KLHDC3: variants seen among roughly 807,000 people sequenced by gnomAD.
KLHDC3 encodes kelch domain containing 3.
In KLHDC3, 5 loss-of-function variants were observed where a neutral mutation model predicts 44.1. The ratio of observed to expected loss-of-function variants is 0.11; its 90% confidence interval spans 0.06 to 0.24. KLHDC3 has a LOEUF of 0.24. Among genes scored for constraint, KLHDC3 ranks in the 10% least tolerant of loss-of-function variants. The pLI is 1.00. For missense variants in KLHDC3, 247 were observed against 514.3 expected, an observed-to-expected ratio of 0.48 and a Z score of 5.03; for synonymous variants, 170 against 189.0, an observed-to-expected ratio of 0.90 and a Z score of 0.82.
intron 1 of KLHDC3, among the ~76,000 whole-genome samples, chr6:43,015,723 G>A (rs1172338537): frequency 6.6e-6 from 1 of 151,838 alleles, no homozygotes; most frequent in East Asian, 2.0e-4. Flanking sequence ...GGTGGCAGGC[G>A]CCTGTAATCC....
chr6:43,018,018 G>A lies in KLHDC3; in HGVS notation c.447+50G>A, dbSNP rs753580961. ...GTTTAGGGTGGGACTGAGAAAGAGGGGAAGGGCAATTTAGGATGGTGAAAT... is the reference window on the plus strand; with the variant it reads ...GTTTAGGGTGGGACTGAGAAAGAGGAGAAGGGCAATTTAGGATGGTGAAAT... On this transcript the variant is annotated intron_variant, in intron 4 of 10. Transcript: ENST00000326974. The surrounding 1 kb of genome is among the most constrained non-coding windows in gnomAD (Gnocchi z 6.0). 4 of 1,519,346 alleles carry A rather than the reference G, an allele frequency of 2.6e-6. No individual in the cohort carries two copies. Among genetic ancestry groups the A allele is most frequent in the East Asian group, 4.5e-5 (2 of 44,402 alleles). 94.1% of individuals were successfully genotyped at this position (1,519,346 alleles called of 1,614,324 possible). A position where few individuals can be genotyped will look rare whatever the true frequency, so the allele number is the denominator to read the frequency against.
chr6:43,020,580 C>T, intron 10 of KLHDC3, 87 bp from the exon 11 acceptor site: 1 of 1,029,572 alleles, frequency 9.7e-7, no homozygotes, highest in Non-Finnish European at 1.5e-6. Flanking sequence ...GTTGGAGAGA[C>T]TGGTGTGTTT....
intron 1 of KLHDC3, among the ~76,000 whole-genome samples, chr6:43,015,735 A>G (rs935309423): frequency 2.0e-5 from 3 of 151,566 alleles, no homozygotes; most frequent in Non-Finnish European, 4.4e-5. Context: ...CTGTAATCCC[A>G]GCTACTTGGG....
In KLHDC3 at chr6:43,018,469, A is replaced by ATTC; in HGVS notation, c.647_649dup (p.Ile216_Arg217insLeu). ...CAACAATGAGATTTACTGCAACCGC[A>ATTC]TTCGAGTCTTTGACACCAGAACTGA... On this transcript the variant is annotated inframe_insertion, in exon 6 of 11. Coordinates refer to ENST00000326974, the MANE Select transcript of KLHDC3 (RefSeq NM_057161.4). The surrounding 1 kb of genome is among the most constrained non-coding windows in gnomAD (Gnocchi z 6.0). The ATTC allele has an allele frequency of 1.9e-6, 3 of 1,614,208 alleles. No homozygotes were observed. Among genetic ancestry groups the ATTC allele is most frequent in the Non-Finnish European group, 2.5e-6 (3 of 1,180,038 alleles).
chr6:43,016,875 C>G (rs966791572), intron 1 of KLHDC3: 7 of 374,398 alleles, frequency 1.9e-5, no homozygotes, highest in Non-Finnish European at 3.0e-5. Context: ...CCATGATATG[C>G]AGATTCTGAG....
rs1561860630 is a variant in KLHDC3, at chr6:43,021,023, T to TGGGAA, written c.*301_*305dup. 1 of 578,408 alleles carries TGGGAA rather than the reference T, an allele frequency of 1.7e-6. No homozygotes were observed. Among genetic ancestry groups the TGGGAA allele is most frequent in the African/African-American group, 1.8e-5 (1 of 54,074 alleles). The allele number at this position is 578,408 out of a possible 1,614,324, so 35.8% of individuals were successfully genotyped here. On this transcript the variant is annotated 3_prime_UTR_variant, in exon 11 of 11. Coordinates refer to ENST00000326974, the MANE Select transcript of KLHDC3 (RefSeq NM_057161.4). ...CTGCCCAGGGCCAGCCAGGTTCTGCTGGGAAGGGAAGGGAATGGGGAGAAG... is the reference window on the plus strand; with the variant it reads ...CTGCCCAGGGCCAGCCAGGTTCTGCTGGGAAGGGAAGGGAAGGGAATGGGGAGAAG...
At chr6:43,014,682 GAT>G (rs1458809465) in intron 1 of KLHDC3, 1 of 454,148 alleles carries the variant, frequency 2.2e-6, no homozygotes, top group Non-Finnish European at 4.4e-6. Flanking sequence ...AGAAGACAGG[GAT>G]AGAGTCATAT....
At position 43,019,111 on chromosome 6, in the gene KLHDC3, C is replaced by G; in HGVS notation, c.949C>G (p.Leu317Val). 1.9e-6 allele frequency: 3 copies of G among 1,613,404 alleles called. No homozygotes were observed. Among genetic ancestry groups the G allele is most frequent in the Non-Finnish European group, 2.5e-6 (3 of 1,179,340 alleles). ...CGACAGTCCATCTCCTGAGGAAGGC[C>G]TGGGAGATGAATTTGACCTTATAGA... is the stretch of plus-strand genomic sequence containing the variant. ...GGTSPSPEEG[L>V]GDEFDLIDHS... Residue 317 changes from leucine (L) to valine (V), a missense_variant, in exon 9 of 11, where the codon CTG (leucine) becomes GTG (valine). Around this residue, in one of 2 missense-constraint regions of KLHDC3, gnomAD observed 176 missense variants for 413.5 expected, o/e 0.43. Transcript: ENST00000326974.
At position 43,020,711 on chromosome 6, in the gene KLHDC3, C is replaced by T. The variant is rs761890199; in HGVS notation, c.1127C>T (p.Pro376Leu). The change falls in exon 11 of 11, where the codon CCC (proline) becomes CTC (leucine). Residue 376 changes from proline to leucine, a missense_variant. By Grantham distance (98) the Pro-to-Leu change is moderately conservative (BLOSUM62 -3). Coordinates refer to ENST00000326974, the MANE Select transcript of KLHDC3 (RefSeq NM_057161.4). ...ACCACCAACAGCAATATCAGTCGCCCCATCGTCTCCTCCCATGGGTAGGAG... is the reference window on the plus strand; with the variant it reads ...ACCACCAACAGCAATATCAGTCGCCTCATCGTCTCCTCCCATGGGTAGGAG... Reference protein sequence around the residue: ...AMTTNSNISRPIVSSHG With the variant: ...AMTTNSNISRLIVSSHG 6.2e-7 allele frequency: 1 copy of T among 1,613,940 alleles called. No homozygotes were observed. Among genetic ancestry groups the T allele is most frequent in the South Asian group, 1.1e-5 (1 of 91,076 alleles).
chr6:43,018,488 G>C lies in KLHDC3; in HGVS notation c.665G>C (p.Arg222Thr), dbSNP rs371294251. 3 of 1,614,062 alleles carry C rather than the reference G, an allele frequency of 1.9e-6. No individual in the cohort carries two copies. Among genetic ancestry groups the C allele is most frequent in the African/African-American group, 2.7e-5 (2 of 74,920 alleles). The change falls in exon 6 of 11, where the codon AGA (arginine) becomes ACA (threonine). Residue 222 changes from arginine (R) to threonine (T), a missense_variant. Transcript: ENST00000326974. The surrounding 1 kb of genome is among the most constrained non-coding windows in gnomAD (Gnocchi z 6.0). ...YCNRIRVFDT[R>T]TEAWLDCPPT... ...AACCGCATTCGAGTCTTTGACACCA[G>C]AACTGAGGCTTGGCTGGACTGTCCC...
intron 8 of KLHDC3, 44 bp from the exon 9 acceptor site, chr6:43,019,048 G>A (rs764745756): frequency 6.3e-6 from 10 of 1,578,070 alleles, no homozygotes; most frequent in South Asian, 1.1e-5. Flanking sequence ...GGGGTTTCGT[G>A]GGTAGTTTTT....
In KLHDC3 at chr6:43,014,312, C is replaced by T; in HGVS notation, c.-96C>T. ...AACGGGTTCTAGGCTGCAGGCAGCT[C>T]GAGGACCCGCGGCCCCGCCCCGGCT... On this transcript the variant is annotated 5_prime_UTR_variant, in exon 1 of 11. Transcript: ENST00000326974. The T allele has an allele frequency of 1.5e-6, 1 of 651,420 alleles. No homozygotes were observed. Among genetic ancestry groups the T allele is most frequent in the Non-Finnish European group, 2.6e-6 (1 of 380,158 alleles). 40.4% of individuals were successfully genotyped at this position (651,420 alleles called of 1,614,324 possible). A position where few individuals can be genotyped will look rare whatever the true frequency, so the allele number is the denominator to read the frequency against.
At position 43,018,031 on chromosome 6, in the gene KLHDC3, A is replaced by T; in HGVS notation, c.447+63A>T. The T allele has an allele frequency of 6.8e-7, 1 of 1,473,564 alleles. No individual in the cohort carries two copies. The allele number at this position is 1,473,564 out of a possible 1,614,324, so 91.3% of individuals were successfully genotyped here. A position where few individuals can be genotyped will look rare whatever the true frequency, so the allele number is the denominator to read the frequency against. On this transcript the variant is annotated intron_variant, in intron 4 of 10. Coordinates refer to ENST00000326974, the MANE Select transcript of KLHDC3 (RefSeq NM_057161.4). This position sits in a 1 kb window ranked among gnomAD's most constrained non-coding sequence, Gnocchi z 6.0. ...CTGAGAAAGAGGGGAAGGGCAATTT[A>T]GGATGGTGAAATGGGAGGCTTTGGC...
At position 43,020,945 on chromosome 6, in the gene KLHDC3, C is replaced by T. The variant is rs912208257; in HGVS notation, c.*212C>T. 3 of 662,674 alleles carry T rather than the reference C, an allele frequency of 4.5e-6. No homozygotes were observed. The African/African-American group carries it at 5.3e-5, about 12-fold the overall frequency. The allele number at this position is 662,674 out of a possible 1,614,324, so 41.0% of individuals were successfully genotyped here. A position where few individuals can be genotyped will look rare whatever the true frequency, so the allele number is the denominator to read the frequency against. On this transcript the variant is annotated 3_prime_UTR_variant, in exon 11 of 11. Transcript: ENST00000326974. ...CCCCCTTGGGCCGAGGGCCCCTTCC[C>T]CTTGGTGCTCTGTCCCCATCCACCT...
chr6:43,017,893 T>G lies in KLHDC3; in HGVS notation c.372T>G (p.Val124=), dbSNP rs1172274271. 6.2e-7 allele frequency: 1 copy of G among 1,613,960 alleles called. No homozygotes were observed. The highest frequency in any genetic ancestry group is 1.3e-5 in the African/African-American group (1 of 74,884). ...TCACACCCCGAGTGTCAGGGACAGT[T>G]CCTGGGGCCCGGGATGGACATTCAG... The part of the protein sequence containing the change: ...KWFTPRVSGT[V]PGARDGHSAC... Residue 124 remains valine, a synonymous_variant, in exon 4 of 11, where the codon GTT becomes GTG. Coordinates refer to ENST00000326974, the MANE Select transcript of KLHDC3 (RefSeq NM_057161.4). The surrounding 1 kb of genome is among the most constrained non-coding windows in gnomAD (Gnocchi z 6.0).
Position 43,019,378 on chromosome 6 carries a change from G to A in KLHDC3, c.1082+12G>A, listed in dbSNP as rs771632504. On this transcript the variant is annotated intron_variant, in intron 10 of 10. Transcript: ENST00000326974. ...CCTCATGATATCAGGTACAGCGAGT[G>A]GTTGGAAGGGAGGGATTGAGTGAGG... 1.9e-6 allele frequency: 3 copies of A among 1,595,812 alleles called. No individual in the cohort carries two copies. The highest frequency in any genetic ancestry group is 2.6e-6 in the Non-Finnish European group (3 of 1,163,558).
Position 43,021,037 on chromosome 6 carries a change from A to G in KLHDC3, c.*304A>G, listed in dbSNP as rs971319649. 4.9e-5 allele frequency: 27 copies of G among 553,582 alleles called. No individual in the cohort carries two copies. The highest frequency in any genetic ancestry group is 9.0e-5 in the Non-Finnish European group (26 of 290,216). The allele number at this position is 553,582 out of a possible 1,614,324, so 34.3% of individuals were successfully genotyped here. ...CCAGGTTCTGCTGGGAAGGGAAGGG[A>G]ATGGGGAGAAGGGAGAAGCAAGCAG... On this transcript the variant is annotated 3_prime_UTR_variant, in exon 11 of 11. Transcript: ENST00000326974.
Position 43,020,773 on chromosome 6 carries a change from A to G in KLHDC3, c.*40A>G, listed in dbSNP as rs758011919. ...CACCTCCCCTCCTGAGCCTGCTGTC[A>G]TCTTCACTGCCCCTGCCCATCTGTC... On this transcript the variant is annotated 3_prime_UTR_variant, in exon 11 of 11. Transcript: ENST00000326974. 1.8e-5 allele frequency: 27 copies of G among 1,483,926 alleles called. No homozygotes were observed. In the African/African-American group the frequency reaches 3.3e-4, roughly 18 times the overall value. 91.9% of individuals were successfully genotyped at this position (1,483,926 alleles called of 1,614,324 possible). A position where few individuals can be genotyped will look rare whatever the true frequency, so the allele number is the denominator to read the frequency against.
rs1762677665 is a variant in KLHDC3 at position 43,020,919 on chromosome 6, C to T, written c.*186C>T. ...GTAGCGGGGTGGGGGCTAGGTTCCT[C>T]CCCCCTTGGGCCGAGGGCCCCTTCC... is the stretch of plus-strand genomic sequence containing the variant. On this transcript the variant is annotated 3_prime_UTR_variant, in exon 11 of 11. Transcript: ENST00000326974. 1.5e-6 allele frequency: 1 copy of T among 668,922 alleles called. No individual in the cohort carries two copies. The allele number at this position is 668,922 out of a possible 1,614,324, so 41.4% of individuals were successfully genotyped here. A position where few individuals can be genotyped will look rare whatever the true frequency, so the allele number is the denominator to read the frequency against.
Sources: gnomAD v4.1 joint callset for allele counts (sites outside exome capture counted in the v4.1 genomes callset) on GRCh38, gnomAD v4.1.1 for gene constraint, gnomAD v4.1.1 regional missense constraint, Gnocchi (gnomAD v3.1) non-coding constraint, MANE v1.5 for transcripts, NCBI Gene and HGNC (gene_info 2026-07-23, HGNC 2026-07-21) for gene names.